The following PRKG1 variants were observed in gnomAD, a reference collection of about 807,000 sequenced individuals.
PRKG1 encodes the protein cGMP-dependent protein kinase 1.
In PRKG1, 35 loss-of-function variants were observed where a neutral mutation model predicts 88.1. That is an observed-to-expected ratio of 0.40 (90% CI 0.30 to 0.53). The LOEUF is 0.53. PRKG1 is among the 20% of genes least tolerant of loss of function. PRKG1 has a pLI of 0.59. For synonymous variants in PRKG1, 303 were observed against 292.5 expected (o/e 1.04, Z -0.37); for missense variants, 540 against 839.8 (o/e 0.64, Z 4.41).
At chr10:51,502,478 G>A (rs1841060089) in intron 3 of PRKG1, among the ~76,000 whole-genome samples, 3 of 151,988 alleles carry the variant, frequency 2.0e-5, no homozygotes, top group Admixed American at 2.0e-4. Context: ...CAAGGAATGA[G>A]TCTATGTTTA....
At chr10:51,185,207 A>G (rs1187779372) in intron 2 of PRKG1, among the ~76,000 whole-genome samples, 1 of 152,198 alleles carries the variant, frequency 6.6e-6, no homozygotes, top group East Asian at 1.9e-4. Flanking sequence ...AAATGGGACA[A>G]TAAAAATAGA....
chr10:51,515,050 A>G (rs1841537340), intron 3 of PRKG1, among the ~76,000 whole-genome samples: 1 of 152,128 alleles, frequency 6.6e-6, no homozygotes, highest in Middle Eastern at 3.2e-3. Context: ...ATATTGGCAA[A>G]TGCTTCCTGG....
At chr10:51,933,826 C>T (rs1387446460) in intron 5 of PRKG1, among the ~76,000 whole-genome samples, 2 of 152,196 alleles carry the variant, frequency 1.3e-5, no homozygotes, top group East Asian at 3.9e-4. Context: ...TTTTACATTG[C>T]TTTCAGTACA....
At chr10:52,191,079 C>T (rs1839350047) in intron 9 of PRKG1, among the ~76,000 whole-genome samples, 3 of 152,188 alleles carry the variant, frequency 2.0e-5, no homozygotes, top group Admixed American at 2.0e-4. Flanking sequence ...AAAGAATCTG[C>T]ATACACTGTA....
rs778078088 is a variant in PRKG1, at chr10:51,829,602, T to C, written c.698+24912T>C. ...CATGTAAGAGAATGCATGTACTTAT[T>C]CATAAAAGATACAGGGTTGAATGTA... On this transcript the variant is annotated intron_variant, in intron 4 of 17. Coordinates refer to ENST00000373980, the MANE Select transcript of PRKG1 (RefSeq NM_006258.4). Among the ~76,000 whole-genome samples, 17 of 152,204 alleles carry C rather than the reference T, an allele frequency of 1.1e-4. 1 individual carries two copies. Among genetic ancestry groups the C allele is most frequent in the Non-Finnish European group, 1.6e-4 (11 of 68,042 alleles).
chr10:51,059,287 A>G (rs1265553536), intron 1 of PRKG1, among the ~76,000 whole-genome samples: 2 of 152,308 alleles, frequency 1.3e-5, no homozygotes, highest in African/African-American at 4.8e-5. Context: ...AAGTCTTTTA[A>G]TAATTCACCA....
intron 2 of PRKG1, among the ~76,000 whole-genome samples, chr10:51,445,975 A>G (rs539862526): frequency 4.8e-4 from 73 of 152,088 alleles, no homozygotes; most frequent in African/African-American, 1.7e-3. Context: ...TGGATGCTTG[A>G]AAGTGGGGGT....
At chr10:51,830,110 T>G (rs1292987261) in intron 4 of PRKG1, among the ~76,000 whole-genome samples, 2 of 152,170 alleles carry the variant, frequency 1.3e-5, no homozygotes, top group African/African-American at 2.4e-5. Context: ...GTCTGTGGAT[T>G]TGATATGTTC....
chr10:51,838,839 C>T (rs919440248), intron 4 of PRKG1, among the ~76,000 whole-genome samples: 1 of 152,052 alleles, frequency 6.6e-6, no homozygotes, highest in African/African-American at 2.4e-5. Context: ...CAACCAAGTT[C>T]GTTCTGAGGC....
At chr10:51,621,886 C>T (rs891644868) in intron 3 of PRKG1, among the ~76,000 whole-genome samples, 4 of 152,116 alleles carry the variant, frequency 2.6e-5, no homozygotes, top group African/African-American at 9.7e-5. Context: ...TCCTTATTAA[C>T]CACAGATTCC....
Position 52,137,743 on chromosome 10 carries a change from G to A in PRKG1, c.1001+3838G>A, listed in dbSNP as rs138442410. Among the ~76,000 whole-genome samples the A allele has an allele frequency of 4.0e-4, 61 of 152,202 alleles. 1 individual carries two copies. The East Asian group carries it at 0.011, about 27-fold the overall frequency. On this transcript the variant is annotated intron_variant, in intron 8 of 17. Transcript: ENST00000373980. The stretch of plus-strand genomic sequence containing the variant: ...AATTCTATGCATATTCAGTAAAGGT[G>A]TAACCAATGTCTTTTTCAGCTAAAT...
intron 2 of PRKG1, among the ~76,000 whole-genome samples, chr10:51,337,619 T>C (rs1022215951): frequency 3.3e-5 from 5 of 152,088 alleles, no homozygotes; most frequent in African/African-American, 1.2e-4. Context: ...CAAAGGAAGA[T>C]ATTCATGCGG....
chr10:51,827,214 G>A lies in PRKG1; in HGVS notation c.698+22524G>A, dbSNP rs369363738. Among the ~76,000 whole-genome samples the A allele has an allele frequency of 1.8e-4, 27 of 152,020 alleles. 1 individual carries two copies. The highest frequency in any genetic ancestry group is 7.7e-4 in the East Asian group (4 of 5,172). ...TTCTTGATTGCATACAGCCATTTTC[G>A]TATATACCCACCAACTGACAAGATT... On this transcript the variant is annotated intron_variant, in intron 4 of 17. Coordinates refer to ENST00000373980, the MANE Select transcript of PRKG1 (RefSeq NM_006258.4).
At chr10:51,735,200 A>G (rs925784354) in intron 3 of PRKG1, among the ~76,000 whole-genome samples, 2 of 152,210 alleles carry the variant, frequency 1.3e-5, no homozygotes, top group African/African-American at 4.8e-5. Flanking sequence ...ATTGTTTGCT[A>G]CATGTGTTTC....
At chr10:51,852,880 T>C (rs1840593632) in intron 4 of PRKG1, among the ~76,000 whole-genome samples, 1 of 152,174 alleles carries the variant, frequency 6.6e-6, no homozygotes, top group Non-Finnish European at 1.5e-5. Flanking sequence ...AGAAGTGTTT[T>C]TTCTAGATGA....
chr10:51,385,520 T>C (rs576511061), intron 2 of PRKG1, among the ~76,000 whole-genome samples: 1 of 152,328 alleles, frequency 6.6e-6, no homozygotes, highest in Admixed American at 6.5e-5. Flanking sequence ...AATGTGTTCT[T>C]AGCCTTTCCC....
At chr10:51,661,532 C>A (rs1011298390) in intron 3 of PRKG1, among the ~76,000 whole-genome samples, 1 of 152,046 alleles carries the variant, frequency 6.6e-6, no homozygotes, top group Non-Finnish European at 1.5e-5. Context: ...CAATGAGATA[C>A]CATCTCACAC....
chr10:52,006,790 T>C (rs1007099209), intron 5 of PRKG1, among the ~76,000 whole-genome samples: 3 of 152,166 alleles, frequency 2.0e-5, no homozygotes, highest in Admixed American at 2.0e-4. Flanking sequence ...TGTGAGATAT[T>C]ACATAAGGAG....
chr10:51,324,473 C>A (rs146213349), intron 2 of PRKG1, among the ~76,000 whole-genome samples: 1 of 151,388 alleles, frequency 6.6e-6, no homozygotes, highest in African/African-American at 2.4e-5. Context: ...GTGGGCCGGG[C>A]GCGGTGGCTC....
Sources: gnomAD v4.1 joint callset for allele counts (sites outside exome capture counted in the v4.1 genomes callset) on GRCh38, gnomAD v4.1.1 for gene constraint, MANE v1.5 for transcripts, NCBI Gene and HGNC (gene_info 2026-07-23, HGNC 2026-07-21) for gene names.